The following RHCE variants were observed in gnomAD, a reference collection of about 807,000 sequenced individuals.
RHCE encodes the protein blood group Rh(CE) polypeptide.
RHCE carries 22 observed loss-of-function variants against 43.8 expected under a neutral mutation model. The ratio of observed to expected loss-of-function variants is 0.50; its 90% CI spans 0.36 to 0.72. The LOEUF is 0.72. Among genes scored for constraint, RHCE ranks in the 30% least tolerant of loss-of-function variants. RHCE has a pLI of 0.00. For missense variants in RHCE, 385 were observed against 525.4 expected (o/e 0.73, Z 2.61); for synonymous variants, 156 against 210.7 (o/e 0.74, Z 2.25).
At chr1:25,385,011 A>G (rs1352736115) in intron 7 of RHCE, among the ~76,000 whole-genome samples, 1 of 152,210 alleles carries the variant, frequency 6.6e-6, no homozygotes, top group Non-Finnish European at 1.5e-5. Flanking sequence ...ATCGTGCCCA[A>G]TTCACTTTTT....
intron 5 of RHCE, among the ~76,000 whole-genome samples, chr1:25,389,403 C>T (rs1215688681): frequency 6.6e-6 from 1 of 152,106 alleles, no homozygotes; most frequent in African/African-American, 2.4e-5. Flanking sequence ...CCATCACACT[C>T]ATTAGTGGTG....
intron 2 of RHCE, among the ~76,000 whole-genome samples, chr1:25,406,252 T>TGCGTGCGTGC (rs769851209): frequency 2.4e-5 from 2 of 81,938 alleles, no homozygotes; most frequent in Non-Finnish European, 4.5e-5. Context: ...CGTGCGTGCG[T>TGCGTGCGTGC]GTGTGTGTGT....
intron 6 of RHCE, among the ~76,000 whole-genome samples, chr1:25,387,123 T>C (rs532633357): frequency 1.6e-4 from 25 of 152,318 alleles, no homozygotes; most frequent in African/African-American, 5.5e-4. Flanking sequence ...GGATCTGGGT[T>C]CACCATGCTC....
Position 25,385,731 on chromosome 1 carries a change from A to G in RHCE, c.1053T>C (p.Thr351=), listed in dbSNP as rs2124395889. 6.2e-7 allele frequency: 1 copy of G among 1,614,042 alleles called. No individual in the cohort carries two copies. Among genetic ancestry groups the G allele is most frequent in the South Asian group, 1.1e-5 (1 of 91,086 alleles). The change falls in exon 7 of 10, where the codon ACT becomes ACC. Residue 351 remains threonine (T), a synonymous_variant. Coordinates refer to ENST00000294413, the MANE Select transcript of RHCE (RefSeq NM_020485.8). ...ITYIVLLVLH[T]VWNGNGMIGF... is the part of the protein sequence containing the mutation. ...CCCACATGCCATTGCCGTTCCAGAC[A>G]GTATGAAGCACCAGCAGCACAATGT...
At position 25,362,314 on chromosome 1, in the gene RHCE, TG is replaced by T; in HGVS notation, c.*212del. 9.0e-7 allele frequency: 1 copy of T among 1,111,216 alleles called. No individual in the cohort carries two copies. Among genetic ancestry groups the T allele is most frequent in the Non-Finnish European group, 1.3e-6 (1 of 777,764 alleles). 68.8% of individuals were successfully genotyped at this position (1,111,216 alleles called of 1,614,324 possible). A position where few individuals can be genotyped will look rare whatever the true frequency, so the allele number is the denominator to read the frequency against. On this transcript the variant is annotated 3_prime_UTR_variant, in exon 10 of 10. Coordinates refer to ENST00000294413, the MANE Select transcript of RHCE (RefSeq NM_020485.8). ...GAAAATATTGATAGCATCATCCTAA[TG>T]AAACTAAACATTTATTTTAAACTTA...
intron 7 of RHCE, among the ~76,000 whole-genome samples, chr1:25,382,611 G>A (rs28592005): frequency 0.069 from 10,425 of 151,550 alleles, 1,108 homozygotes; most frequent in African/African-American, 0.23. Flanking sequence ...GTCTCCCCTG[G>A]CCAGACCCTC....
At chr1:25,393,708 G>A (rs1487368675) in intron 3 of RHCE, among the ~76,000 whole-genome samples, 1 of 151,982 alleles carries the variant, frequency 6.6e-6, no homozygotes, top group East Asian at 1.9e-4. Context: ...CAAAGTCAAG[G>A]TCCAGGTTCT....
chr1:25,422,947 C>T (rs1386711106), upstream of RHCE, among the ~76,000 whole-genome samples: 2 of 152,132 alleles, frequency 1.3e-5, no homozygotes, highest in South Asian at 2.1e-4. Context: ...TGACAGGAGG[C>T]GGAGCTCAGG....
intron 7 of RHCE, among the ~76,000 whole-genome samples, chr1:25,382,117 A>G (rs1646020238): frequency 6.6e-6 from 1 of 150,738 alleles, no homozygotes; most frequent in South Asian, 2.1e-4. Context: ...TTCTCTTCTT[A>G]TAAGTCACCA....
rs1557624776 is a variant in RHCE at position 25,396,968 on chromosome 1, A to G, written c.487-4827T>C. ...ATCTCTACTAAAAATACAAAAATTAACTGGGCATGGTGGCATGCCCCTAAT... is the reference window on the plus strand; with the variant it reads ...ATCTCTACTAAAAATACAAAAATTAGCTGGGCATGGTGGCATGCCCCTAAT... On this transcript the variant is annotated intron_variant, in intron 3 of 9. Transcript: ENST00000294413. Among the ~76,000 whole-genome samples, 13 of 148,440 alleles carry G rather than the reference A, an allele frequency of 8.8e-5. No individual in the cohort carries two copies. The South Asian group carries it at 2.7e-3, about 31-fold the overall frequency.
rs556156490 is a variant in RHCE, at chr1:25,376,897, G to C, written c.1074-1469C>G. On this transcript the variant is annotated intron_variant, in intron 7 of 9. Transcript: ENST00000294413. ...CCACTGCACTCCAGCCTGGGCAACA[G>C]AGCAAGACTCCATCTCAAAAAAAAA... Among the ~76,000 whole-genome samples, 379 of 151,638 alleles carry C rather than the reference G, an allele frequency of 2.5e-3. 1 individual carries two copies. Among genetic ancestry groups the C allele is most frequent in the African/African-American group, 7.9e-3 (325 of 41,346 alleles).
At chr1:25,375,890 C>T (rs1213781961) in intron 7 of RHCE, among the ~76,000 whole-genome samples, 1 of 146,078 alleles carries the variant, frequency 6.8e-6, no homozygotes, top group African/African-American at 2.6e-5. Context: ...CCTCTGTCCC[C>T]CAGGTTCAAG....
At chr1:25,380,679 G>A (rs575467304) in intron 7 of RHCE, among the ~76,000 whole-genome samples, 2 of 152,250 alleles carry the variant, frequency 1.3e-5, no homozygotes, top group South Asian at 2.1e-4. Flanking sequence ...AACCACAGCT[G>A]GGATGGCTGA....
intron 7 of RHCE, among the ~76,000 whole-genome samples, chr1:25,379,485 ATATATATATATTTTTTTTTTT>A (rs1476477564): frequency 3.9e-3 from 75 of 19,424 alleles, no homozygotes; most frequent in Middle Eastern, 0.05. Flanking sequence ...ATATATATAT[ATATATATATATTTTTTTTTTT>A]TTTTTTTTTT....
chr1:25,408,147 T>A (rs1230452984), intron 2 of RHCE, among the ~76,000 whole-genome samples: 1 of 121,456 alleles, frequency 8.2e-6, no homozygotes, highest in Non-Finnish European at 1.9e-5. Flanking sequence ...ATCAGCCAGG[T>A]GTGGTGGCAC....
chr1:25,401,867 C>G (rs770147552), intron 3 of RHCE, among the ~76,000 whole-genome samples: 5 of 151,780 alleles, frequency 3.3e-5, no homozygotes, highest in African/African-American at 4.8e-5. Flanking sequence ...TCAATCTTTT[C>G]TTTTCTTTTT....
At chr1:25,382,888 G>C (rs1646043527) in intron 7 of RHCE, among the ~76,000 whole-genome samples, 1 of 152,122 alleles carries the variant, frequency 6.6e-6, no homozygotes, top group South Asian at 2.1e-4. Context: ...TCTCCAAATA[G>C]ACTTATTTTT....
chr1:25,372,584 G>T (rs1571830120), intron 8 of RHCE, among the ~76,000 whole-genome samples: 3 of 151,380 alleles, frequency 2.0e-5, no homozygotes, highest in African/African-American at 7.3e-5. Context: ...ACTTCTGCTG[G>T]TGTACTTTAC....
chr1:25,397,060 C>G (rs1362955101), intron 3 of RHCE, among the ~76,000 whole-genome samples: 1 of 132,324 alleles, frequency 7.6e-6, no homozygotes, highest in Non-Finnish European at 1.5e-5. Context: ...TGCAGTGAGC[C>G]GAGATCACAC....
Sources: gnomAD v4.1 joint callset for allele counts (sites outside exome capture counted in the v4.1 genomes callset) on GRCh38, gnomAD v4.1.1 for gene constraint, MANE v1.5 for transcripts, NCBI Gene and HGNC (gene_info 2026-07-23, HGNC 2026-07-21) for gene names.